INPP5E: variants seen among roughly 807,000 people sequenced by gnomAD.
INPP5E encodes the protein phosphatidylinositol polyphosphate 5-phosphatase type IV.
A neutral mutation model predicts 50.5 loss-of-function variants in INPP5E; 34 were observed. That is an observed-to-expected ratio of 0.67 (90% confidence interval 0.51 to 0.90). INPP5E has a LOEUF of 0.90. Ranked by LOEUF, INPP5E falls within the 40% of genes least tolerant of loss-of-function variation. INPP5E has a pLI of 0.00. For synonymous variants in INPP5E, 447 were observed against 406.0 expected (o/e 1.10, Z -1.21); for missense variants, 942 against 905.5 (o/e 1.04, Z -0.52).
Position 136,438,592 on chromosome 9 carries a change from GC to G in INPP5E, c.812+15del. ...CGAAGGCGGCGCGGGCGCTGCACCC[GC>G]CAGGCCCTCCCTACCTGCTGCGGAC... On this transcript the variant is annotated intron_variant, in intron 1 of 9. Coordinates refer to ENST00000371712, the MANE Select transcript of INPP5E (RefSeq NM_019892.6). 1 of 1,410,346 alleles carries G rather than the reference GC, an allele frequency of 7.1e-7. No homozygotes were observed. The highest frequency in any genetic ancestry group is 9.2e-7 in the Non-Finnish European group (1 of 1,085,058). 87.4% of individuals were successfully genotyped at this position (1,410,346 alleles called of 1,614,324 possible). A position where few individuals can be genotyped will look rare whatever the true frequency, so the allele number is the denominator to read the frequency against.
Position 136,438,619 on chromosome 9 carries a change from G to A in INPP5E, c.801C>T (p.Asp267=). The A allele has an allele frequency of 6.4e-7, 1 of 1,561,266 alleles. No homozygotes were observed. The highest frequency in any genetic ancestry group is 8.7e-7 in the Non-Finnish European group (1 of 1,153,444). Residue 267 remains aspartate, a synonymous_variant, in exon 1 of 10, where the codon GAC becomes GAT. Transcript: ENST00000371712. ...CAGGCCCTCCCTACCTGCTGCGGACGTCCTTGCTGCGGATGGGCGCCAGGA... is the reference window on the plus strand; with the variant it reads ...CAGGCCCTCCCTACCTGCTGCGGACATCCTTGCTGCGGATGGGCGCCAGGA... ...FSLLAPIRSK[D]VRSRSYLEGS...
Position 136,429,028 on chromosome 9 carries a change from C to G in INPP5E, c.*647G>C, listed in dbSNP as rs940644078. 1 of 159,970 alleles carries G rather than the reference C, an allele frequency of 6.3e-6. No individual in the cohort carries two copies. Among genetic ancestry groups the G allele is most frequent in the Non-Finnish European group, 1.4e-5 (1 of 71,992 alleles). 9.9% of individuals were successfully genotyped at this position (159,970 alleles called of 1,614,324 possible). On this transcript the variant is annotated 3_prime_UTR_variant, in exon 10 of 10. Transcript: ENST00000371712. ...GGAGGGGAAGCAGCTTCTTACTCAG[C>G]TGGGGAGGCCCTTATACTGGGGTGC...
rs144347039 is a variant in INPP5E at position 136,433,125 on chromosome 9, A to T, written c.1159+30T>A. On this transcript the variant is annotated intron_variant, in intron 4 of 9. Transcript: ENST00000371712. ...CACCTGTGGGACGCTGCCACCTTCCAGCCGCGCCCACCCCTCCAGCCGCGC... is the reference window on the plus strand; with the variant it reads ...CACCTGTGGGACGCTGCCACCTTCCTGCCGCGCCCACCCCTCCAGCCGCGC... 33,625 of 1,609,640 alleles carry T rather than the reference A, an allele frequency of 0.021. 501 individuals carry two copies. Among genetic ancestry groups the T allele is most frequent in the Middle Eastern group, 0.06 (364 of 6,060 alleles).
At position 136,431,058 on chromosome 9, in the gene INPP5E, C is replaced by CA. The variant is rs2131605715; in HGVS notation, c.1608dup (p.Asp537Ter). 6.2e-7 allele frequency: 1 copy of CA among 1,613,322 alleles called. No individual in the cohort carries two copies. The highest frequency in any genetic ancestry group is 8.5e-7 in the Non-Finnish European group (1 of 1,179,712). ...CTGTCGTACGTGTCCTTCCCGATGT[C>CA]AAACTTGTATGATGGGAGGAAGTGG... On this transcript the variant is annotated frameshift_variant, in exon 8 of 10. Transcript: ENST00000371712. LOFTEE classifies it high-confidence loss of function.
At chr9:136,432,882 C>G in intron 5 of INPP5E, 74 bp downstream of exon 5, 2 of 1,568,696 alleles carry the variant, frequency 1.3e-6, no homozygotes, top group African/African-American at 1.4e-5. Flanking sequence ...GGACCCCTGC[C>G]TTGGACAGGG....
At chr9:136,434,707 C>G (rs753652552) in intron 2 of INPP5E, 33 bp downstream of exon 2, 2 of 1,584,326 alleles carry the variant, frequency 1.3e-6, no homozygotes, top group East Asian at 2.3e-5. Context: ...CCACCCCACC[C>G]TTCCCCGCCC....
chr9:136,429,278 G>T lies in INPP5E; in HGVS notation c.*397C>A, dbSNP rs923151837. ...GAGGACACAGATGGACGCCTGCTTC[G>T]GGTGTGGAGGGAGAGGCTGGTGCAG... On this transcript the variant is annotated 3_prime_UTR_variant, in exon 10 of 10. Coordinates refer to ENST00000371712, the MANE Select transcript of INPP5E (RefSeq NM_019892.6). 3.0e-6 allele frequency: 1 copy of T among 337,170 alleles called. No individual in the cohort carries two copies. The highest frequency in any genetic ancestry group is 7.3e-5 in the East Asian group (1 of 13,694). 20.9% of individuals were successfully genotyped at this position (337,170 alleles called of 1,614,324 possible). A position where few individuals can be genotyped will look rare whatever the true frequency, so the allele number is the denominator to read the frequency against.
chr9:136,439,684 G>A lies in INPP5E; in HGVS notation c.-265C>T, dbSNP rs914295296. 1.2e-5 allele frequency: 4 copies of A among 326,772 alleles called. No individual in the cohort carries two copies. Among genetic ancestry groups the A allele is most frequent in the East Asian group, 4.7e-5 (1 of 21,126 alleles). 20.2% of individuals were successfully genotyped at this position (326,772 alleles called of 1,614,324 possible). ...GGGAACAGGCGGCTGGGCGCCTGTC[G>A]CGGGGGAGGTTCGACCCCGACGGGG... On this transcript the variant is annotated 5_prime_UTR_variant, in exon 1 of 10. Transcript: ENST00000371712.
chr9:136,430,552 TGCCTG>T, intron 8 of INPP5E, 139 bp from the exon 9 acceptor site: 1 of 1,081,824 alleles, frequency 9.2e-7, no homozygotes, highest in South Asian at 1.4e-5. Flanking sequence ...CCCATTTTGT[TGCCTG>T]GCGTCTGTGG....
intron 1 of INPP5E, chr9:136,436,890 A>G (rs1214239054): frequency 6.6e-6 from 1 of 152,240 alleles, no homozygotes; most frequent in East Asian, 1.9e-4. Context: ...ACTGGGTTAA[A>G]GGATCCACGT....
At chr9:136,432,194 G>A (rs963939639) in intron 6 of INPP5E, among the ~76,000 whole-genome samples, 7 of 152,190 alleles carry the variant, frequency 4.6e-5, no homozygotes, top group African/African-American at 1.4e-4. Flanking sequence ...CATGGCAGGC[G>A]ATGGCCACGT....
Position 136,439,635 on chromosome 9 carries a change from G to A in INPP5E, c.-216C>T, listed in dbSNP as rs1325881779. ...TCGGGGCTCCCAGACGCCGTTCCCAGGGCGGTCCGCAGGCAAGGCCTGGGG... is the reference window on the plus strand; with the variant it reads ...TCGGGGCTCCCAGACGCCGTTCCCAAGGCGGTCCGCAGGCAAGGCCTGGGG... On this transcript the variant is annotated 5_prime_UTR_variant, in exon 1 of 10. Transcript: ENST00000371712. The A allele has an allele frequency of 2.8e-6, 1 of 363,492 alleles. No homozygotes were observed. The highest frequency in any genetic ancestry group is 4.9e-6 in the Non-Finnish European group (1 of 204,852). The allele number at this position is 363,492 out of a possible 1,614,324, so 22.5% of individuals were successfully genotyped here.
At chr9:136,430,547 T>TTTG in intron 8 of INPP5E, 134 bp from the exon 9 acceptor site, 1 of 1,122,396 alleles carries the variant, frequency 8.9e-7, no homozygotes, top group Non-Finnish European at 1.3e-6. Context: ...TCATGCCCAT[T>TTTG]TTGTTGCCTG....
chr9:136,434,108 G>T lies in INPP5E; in HGVS notation c.963C>A (p.Phe321Leu), dbSNP rs779929155. Residue 321 changes from phenylalanine (F) to leucine (L), a missense_variant, in exon 3 of 10, where the codon TTC becomes TTA. Phe to Leu is a conservative substitution (Grantham distance 22, BLOSUM62 0). Coordinates refer to ENST00000371712, the MANE Select transcript of INPP5E (RefSeq NM_019892.6). ...CATAGTCGGCCTCGGCTGGGAGCAG[G>T]AACTCGTCCAGGCTGGGCGGGAGCT... ...QKELPPSLDEFLLPAEADYAQ... is the reference protein window; with the variant it reads ...QKELPPSLDELLLPAEADYAQ... 1 of 1,610,080 alleles carries T rather than the reference G, an allele frequency of 6.2e-7. No homozygotes were observed. Among genetic ancestry groups the T allele is most frequent in the South Asian group, 1.1e-5 (1 of 90,538 alleles).
chr9:136,437,693 T>G (rs1483511420), intron 1 of INPP5E: 1 of 152,398 alleles, frequency 6.6e-6, no homozygotes, highest in African/African-American at 2.4e-5. Context: ...AGAAACCACC[T>G]CACACCTCTC....
At chr9:136,432,125 G>A in intron 6 of INPP5E, 140 bp from the exon 7 acceptor site, 3 of 1,033,366 alleles carry the variant, frequency 2.9e-6, no homozygotes, top group South Asian at 1.4e-5. Flanking sequence ...TCAGGGGTGG[G>A]ATTCGCACTG....
At chr9:136,437,860 A>C (rs1226006358) in intron 1 of INPP5E, 1 of 152,648 alleles carries the variant, frequency 6.6e-6, no homozygotes, top group African/African-American at 2.4e-5. Context: ...CCCCAAGACA[A>C]GACCAGGCTT....
Position 136,439,208 on chromosome 9 carries a change from G to GC in INPP5E, c.211dup (p.Ala71GlyfsTer80). The GC allele has an allele frequency of 1.3e-6, 2 of 1,539,538 alleles. No individual in the cohort carries two copies. The highest frequency in any genetic ancestry group is 2.4e-5 in the South Asian group (2 of 84,318). ...TCGAGGCCTGGCGGGGGGCCGCGGG[G>GC]CGATGGGTGCTGCTCGGGCTGGCGG... On this transcript the variant is annotated frameshift_variant, in exon 1 of 10. Transcript: ENST00000371712. LOFTEE classifies it high-confidence loss of function.
At chr9:136,434,616 G>A in intron 2 of INPP5E, 124 bp downstream of exon 2, 2 of 1,339,182 alleles carry the variant, frequency 1.5e-6, no homozygotes, top group Non-Finnish European at 1.0e-6. Flanking sequence ...TAGCAGTGGG[G>A]TGCACCTCGG....
Sources: allele counts gnomAD v4.1 joint callset (sites outside exome capture counted in the v4.1 genomes callset), GRCh38; gene constraint gnomAD v4.1.1; transcripts MANE v1.5; gene names NCBI Gene and HGNC (gene_info 2026-07-23, HGNC 2026-07-21).